Variants in ADGRE3 observed in about 807,000 individuals in gnomAD.
ADGRE3 encodes the protein EGF-like module receptor 3.
A neutral mutation model predicts 80.1 loss-of-function variants in ADGRE3; 88 were observed. The ratio of observed to expected loss-of-function variants is 1.10; its 90% CI spans 0.93 to 1.31. The LOEUF (loss-of-function observed/expected upper bound fraction) is 1.31. ADGRE3 is among the 40% of genes most tolerant of loss of function. The pLI is 0.00. For synonymous variants in ADGRE3, 281 were observed against 294.8 expected (o/e 0.95, Z 0.48); for missense variants, 715 against 776.5 (o/e 0.92, Z 0.94).
intron 14 of ADGRE3, chr19:14,628,731 C>T: frequency 2.7e-6 from 1 of 370,288 alleles, no homozygotes. Context: ...TATGAGTTTG[C>T]CCCTGCAGAC....
intron 6 of ADGRE3, among the ~76,000 whole-genome samples, chr19:14,653,498 C>T (rs977491223): frequency 6.6e-6 from 1 of 151,848 alleles, no homozygotes; most frequent in African/African-American, 2.4e-5. Context: ...AGTTTTTCTT[C>T]TTTCTTAAAA....
chr19:14,662,165 T>G (rs1399151056), intron 3 of ADGRE3, 47 bp from the exon 4 acceptor site: 2 of 1,595,170 alleles, frequency 1.3e-6, no homozygotes, highest in Non-Finnish European at 1.7e-6. Flanking sequence ...CAAAGATTTA[T>G]TGAGCAGCTA....
rs2146877307 is a variant in ADGRE3 at position 14,654,973 on chromosome 19, T to C, written c.577+9A>G. The C allele has an allele frequency of 7.4e-6, 12 of 1,612,428 alleles. No individual in the cohort carries two copies. The East Asian group carries it at 8.9e-5, about 12-fold the overall frequency. Reference sequence around the variant, plus strand: ...CCCCAGGGTGTATCAGTCCTCATTATTGTCTTACCTACACTATCGTTTTGG... The same window carrying C: ...CCCCAGGGTGTATCAGTCCTCATTACTGTCTTACCTACACTATCGTTTTGG... On this transcript the variant is annotated intron_variant, in intron 6 of 15. Transcript: ENST00000253673.
chr19:14,663,193 G>C (rs971785508), intron 3 of ADGRE3, among the ~76,000 whole-genome samples: 1 of 151,616 alleles, frequency 6.6e-6, no homozygotes, highest in African/African-American at 2.4e-5. Context: ...AGTAGAGATG[G>C]GGTTTTGTCA....
In ADGRE3 at chr19:14,647,219, G is replaced by C. The variant is rs550501309; in HGVS notation, c.844C>G (p.Leu282Val). The C allele has an allele frequency of 3.1e-6, 5 of 1,613,976 alleles. No homozygotes were observed. Among genetic ancestry groups the C allele is most frequent in the East Asian group, 4.5e-5 (2 of 44,866 alleles). Residue 282 changes from leucine to valine, a missense_variant, in exon 8 of 16, where the codon CTC (leucine) becomes GTC (valine). Leu to Val is a conservative substitution (Grantham distance 32). Coordinates refer to ENST00000253673, the MANE Select transcript of ADGRE3 (RefSeq NM_032571.5). The stretch of plus-strand genomic sequence containing the variant: ...AAAGTCAGCGTCACAGACTTGGAGA[G>C]AGACACGTTCCTTTTGGGTCCAATA... ...AAIGPKRNVSLSKSVTLTFQH... is the reference protein window; with the variant it reads ...AAIGPKRNVSVSKSVTLTFQH...
At chr19:14,647,807 T>C (rs1971457548) in intron 7 of ADGRE3, among the ~76,000 whole-genome samples, 2 of 150,784 alleles carry the variant, frequency 1.3e-5, no homozygotes, top group Non-Finnish European at 3.0e-5. Flanking sequence ...GCACCGGGCA[T>C]GGTGGCTCAC....
At chr19:14,639,172 A>G (rs749921561) in intron 10 of ADGRE3, among the ~76,000 whole-genome samples, 3 of 152,126 alleles carry the variant, frequency 2.0e-5, no homozygotes, top group Non-Finnish European at 4.4e-5. Flanking sequence ...TATTACAAGC[A>G]TGAACCGCCA....
In ADGRE3 at chr19:14,641,632, A is replaced by G; in HGVS notation, c.1051-16T>C. The stretch of plus-strand genomic sequence containing the variant: ...GATCCTCCTCCTGGGACCGAGAAAA[A>G]AAGTTCACAGTGATGCTTTCCTGCA... On this transcript the variant is annotated splice_polypyrimidine_tract_variant and intron_variant, in intron 9 of 15. Coordinates refer to ENST00000253673, the MANE Select transcript of ADGRE3 (RefSeq NM_032571.5). The G allele has an allele frequency of 6.2e-7, 1 of 1,613,496 alleles. No homozygotes were observed. The highest frequency in any genetic ancestry group is 8.5e-7 in the Non-Finnish European group (1 of 1,179,758).
In ADGRE3 at chr19:14,619,250, G is replaced by A; in HGVS notation, c.*183C>T. 1.6e-6 allele frequency: 1 copy of A among 621,524 alleles called. No homozygotes were observed. Among genetic ancestry groups the A allele is most frequent in the South Asian group, 1.8e-5 (1 of 54,430 alleles). 38.5% of individuals were successfully genotyped at this position (621,524 alleles called of 1,614,324 possible). A position where few individuals can be genotyped will look rare whatever the true frequency, so the allele number is the denominator to read the frequency against. ...TGAATACACCATAGTGAAGAGAAAT[G>A]CAATTTACCACACATTTGTTGAGAG... On this transcript the variant is annotated 3_prime_UTR_variant, in exon 16 of 16. Coordinates refer to ENST00000253673, the MANE Select transcript of ADGRE3 (RefSeq NM_032571.5).
At chr19:14,632,290 T>C (rs726787) in intron 13 of ADGRE3, among the ~76,000 whole-genome samples, 75,496 of 151,988 alleles carry the variant, frequency 0.5, 19,115 homozygotes, top group Non-Finnish European at 0.53. Flanking sequence ...ATTAGCAAAT[T>C]TGAGTTGGTT....
chr19:14,610,095 C>G, the ADGRE3 span: 4 of 1,613,276 alleles, frequency 2.5e-6, no homozygotes, highest in Non-Finnish European at 1.7e-6. Context: ...CAATAACATC[C>G]ACGATGAGGA....
downstream of ADGRE3, among the ~76,000 whole-genome samples, chr19:14,614,163 C>T (rs571103051): frequency 3.9e-5 from 6 of 152,306 alleles, no homozygotes; most frequent in East Asian, 1.9e-4. Flanking sequence ...CTGTACTGTC[C>T]GCAGCCTGCT....
At chr19:14,602,592 C>A in the ADGRE3 span, among the ~76,000 whole-genome samples, 3 of 152,132 alleles carry the variant, frequency 2.0e-5, no homozygotes, top group South Asian at 2.1e-4. Context: ...TGTACCCAGC[C>A]TAATTGGTAT....
chr19:14,606,927 A>G, the ADGRE3 span: 3 of 767,760 alleles, frequency 3.9e-6, no homozygotes, highest in East Asian at 3.4e-5. Context: ...GACAGGGCAC[A>G]GGGCAGGTCC....
chr19:14,665,978 A>ATATATATATATATATATATATG (rs1568500899), intron 2 of ADGRE3, among the ~76,000 whole-genome samples: 30 of 128,246 alleles, frequency 2.3e-4, no homozygotes, highest in African/African-American at 7.3e-4. Context: ...ATATATATAT[A>ATATATATATATATATATATATG]GTGTTTTCTT....
At chr19:14,625,140 C>T (rs923109703) in intron 15 of ADGRE3, among the ~76,000 whole-genome samples, 8 of 152,100 alleles carry the variant, frequency 5.3e-5, no homozygotes, top group East Asian at 3.9e-4. Context: ...CCACCACACC[C>T]GGCTAATTTT....
intron 2 of ADGRE3, among the ~76,000 whole-genome samples, chr19:14,664,368 T>C (rs1022381358): frequency 6.7e-6 from 1 of 150,146 alleles, no homozygotes; most frequent in African/African-American, 2.5e-5. Flanking sequence ...ATCCGGGAGG[T>C]GGAGGTTGCA....
At chr19:14,672,842 T>C (rs1334585589) in intron 1 of ADGRE3, among the ~76,000 whole-genome samples, 4 of 152,074 alleles carry the variant, frequency 2.6e-5, no homozygotes, top group Non-Finnish European at 5.9e-5. Flanking sequence ...CTTGAACTCC[T>C]GGCTCAAGCA....
chr19:14,654,002 G>A (rs1461570177), intron 6 of ADGRE3, among the ~76,000 whole-genome samples: 1 of 150,682 alleles, frequency 6.6e-6, no homozygotes, highest in African/African-American at 2.4e-5. Context: ...ACCCAGGCTG[G>A]AGTGCAGTGA....
Sources: allele counts gnomAD v4.1 joint callset (sites outside exome capture counted in the v4.1 genomes callset), GRCh38; gene constraint gnomAD v4.1.1; transcripts MANE v1.5; gene names NCBI Gene and HGNC (gene_info 2026-07-23, HGNC 2026-07-21).